ANO3: variants seen among roughly 807,000 people sequenced by gnomAD.
The protein encoded by ANO3 is anoctamin-3.
A neutral mutation model predicts 144.8 loss-of-function variants in ANO3; 99 were observed. The ratio of observed to expected loss-of-function variants is 0.68; its 90% CI spans 0.58 to 0.81. The LOEUF (loss-of-function observed/expected upper bound fraction) is 0.81, where lower values mean the gene tolerates loss of function less well. Ranked by LOEUF, ANO3 falls within the 30% of genes least tolerant of loss-of-function variation. The pLI, the probability that ANO3 is intolerant of heterozygous loss-of-function variation, is 0.00. For synonymous variants in ANO3, 414 were observed against 392.6 expected (o/e 1.05, Z -0.64); for missense variants, 905 against 1,202.2 (o/e 0.75, Z 3.66).
intron 1 of ANO3, among the ~76,000 whole-genome samples, chr11:26,277,243 T>C (rs2133841218): frequency 6.6e-6 from 1 of 152,190 alleles, no homozygotes; most frequent in East Asian, 1.9e-4. Flanking sequence ...TAATGCATTG[T>C]GTGTGTGTTT....
intron 3 of ANO3, among the ~76,000 whole-genome samples, chr11:26,445,570 T>G (rs1858672818): frequency 6.6e-6 from 1 of 152,180 alleles, no homozygotes; most frequent in African/African-American, 2.4e-5. Context: ...CCAGGCACTG[T>G]ATCTCGTATT....
At chr11:26,483,552 C>A (rs1273308906) in intron 4 of ANO3, among the ~76,000 whole-genome samples, 1 of 152,144 alleles carries the variant, frequency 6.6e-6, no homozygotes, top group Middle Eastern at 3.2e-3. Context: ...TCCTCTTTGC[C>A]TTCTACCATG....
intron 1 of ANO3, among the ~76,000 whole-genome samples, chr11:26,390,544 A>G (rs1856847875): frequency 2.0e-5 from 3 of 152,154 alleles, no homozygotes; most frequent in Admixed American, 2.0e-4. Context: ...TATGCATAGA[A>G]CACTAGAGCA....
chr11:26,245,894 G>C (rs538634639), intron 1 of ANO3, among the ~76,000 whole-genome samples: 7 of 152,284 alleles, frequency 4.6e-5, no homozygotes, highest in African/African-American at 1.4e-4. Context: ...AGCAGGCAAC[G>C]GTTTGTGACA....
intron 1 of ANO3, among the ~76,000 whole-genome samples, chr11:26,402,211 A>G (rs1857164052): frequency 6.6e-6 from 1 of 151,960 alleles, no homozygotes; most frequent in Admixed American, 6.6e-5. Context: ...TTGAGGAATT[A>G]CCACATCGTC....
At chr11:26,503,270 C>T (rs529075033) in intron 4 of ANO3, among the ~76,000 whole-genome samples, 2 of 152,248 alleles carry the variant, frequency 1.3e-5, no homozygotes, top group East Asian at 3.9e-4. Context: ...GCATTTCACT[C>T]TTTCAGATAA....
At chr11:26,392,327 T>C (rs1856904045) in intron 1 of ANO3, among the ~76,000 whole-genome samples, 1 of 151,316 alleles carries the variant, frequency 6.6e-6, no homozygotes, top group Non-Finnish European at 1.5e-5. Context: ...GTATTTAGAG[T>C]ATATTTGATA....
intron 4 of ANO3, among the ~76,000 whole-genome samples, chr11:26,492,728 A>G (rs866532165): frequency 6.6e-6 from 1 of 152,202 alleles, no homozygotes; most frequent in Admixed American, 6.5e-5. Context: ...ACCTATGCCT[A>G]AAATAGTAAA....
chr11:26,362,245 T>C (rs1325485902), intron 1 of ANO3, among the ~76,000 whole-genome samples: 1 of 152,186 alleles, frequency 6.6e-6, no homozygotes, highest in Non-Finnish European at 1.5e-5. Context: ...AAAATTATAA[T>C]AATAAAAACT....
chr11:26,656,237 T>G, intron 25 of ANO3, 32 bp downstream of exon 25: 1 of 1,582,660 alleles, frequency 6.3e-7, no homozygotes. Context: ...CCTGCTTGCT[T>G]TCACCATTCC....
chr11:26,489,179 G>C (rs907933557), intron 4 of ANO3, among the ~76,000 whole-genome samples: 2 of 149,838 alleles, frequency 1.3e-5, no homozygotes, highest in Non-Finnish European at 3.0e-5. Flanking sequence ...TAGGGACTTG[G>C]TGCCCTGTGT....
chr11:26,595,457 G>GTTTTTTTTTTTTTTTTTTTTTTTTT (rs1411703035), intron 14 of ANO3, among the ~76,000 whole-genome samples: 1 of 67,838 alleles, frequency 1.5e-5, no homozygotes, highest in African/African-American at 6.5e-5. Context: ...TTGAGATAGA[G>GTTTTTTTTTTTTTTTTTTTTTTTTT]TTGTTTTTTT....
chr11:26,629,716 C>T (rs1023834118), intron 18 of ANO3, among the ~76,000 whole-genome samples: 6 of 152,130 alleles, frequency 3.9e-5, no homozygotes, highest in African/African-American at 1.4e-4. Context: ...ACCGCAACCT[C>T]CGCCTCTCAG....
chr11:26,307,237 C>T (rs966435715), upstream of ANO3, among the ~76,000 whole-genome samples: 2 of 151,968 alleles, frequency 1.3e-5, no homozygotes, highest in African/African-American at 4.8e-5. Flanking sequence ...ATCTCTAGTC[C>T]CAGCTACTTG....
intron 12 of ANO3, 105 bp downstream of exon 12, chr11:26,547,655 CAATTT>C: frequency 2.8e-6 from 3 of 1,074,488 alleles, no homozygotes; most frequent in East Asian, 2.5e-5. Flanking sequence ...GATGATACTA[CAATTT>C]AATTTATTTG....
intron 1 of ANO3, among the ~76,000 whole-genome samples, chr11:26,223,886 T>C (rs531087905): frequency 3.3e-5 from 5 of 152,080 alleles, no homozygotes; most frequent in African/African-American, 4.8e-5. Context: ...ATTGCAAGGA[T>C]AGCACCAAGG....
At chr11:26,407,962 C>A (rs1164938196) in intron 1 of ANO3, among the ~76,000 whole-genome samples, 1 of 151,928 alleles carries the variant, frequency 6.6e-6, no homozygotes, top group Non-Finnish European at 1.5e-5. Context: ...CCTGTTTATT[C>A]TTTAATTAAT....
At chr11:26,449,493 A>T (rs150028627) in intron 3 of ANO3, among the ~76,000 whole-genome samples, 90,409 of 127,828 alleles carry the variant, frequency 0.71, 28,799 homozygotes, top group East Asian at 0.88. Flanking sequence ...TCTCTCACAC[A>T]CACACACACA....
At chr11:26,567,989 CAG>C (rs1362683521) in intron 14 of ANO3, among the ~76,000 whole-genome samples, 3 of 152,018 alleles carry the variant, frequency 2.0e-5, no homozygotes, top group Admixed American at 2.0e-4. Context: ...TGGAAGTAAA[CAG>C]AATTGATTGG....
Sources: allele counts gnomAD v4.1 joint callset (sites outside exome capture counted in the v4.1 genomes callset), GRCh38; gene constraint gnomAD v4.1.1; transcripts MANE v1.5; gene names NCBI Gene and HGNC (gene_info 2026-07-23, HGNC 2026-07-21).